The following DLGAP1 variants were observed in gnomAD, a reference collection of about 807,000 sequenced individuals.
DLGAP1 encodes DLG associated protein 1, also known as disks large-associated protein 1.
A neutral mutation model predicts 90.8 loss-of-function variants in DLGAP1; 11 were observed. The ratio of observed to expected loss-of-function variants is 0.12; its 90% CI spans 0.08 to 0.20. DLGAP1 has a LOEUF of 0.20. DLGAP1 is among the 10% of genes least tolerant of loss of function. DLGAP1 has a pLI of 1.00. For synonymous variants in DLGAP1, 558 were observed against 540.7 expected, an observed-to-expected ratio of 1.03 and a Z score of -0.44; for missense variants, 1,050 against 1,333.8, an observed-to-expected ratio of 0.79 and a Z score of 3.31.
intron 3 of DLGAP1, among the ~76,000 whole-genome samples, chr18:3,911,551 C>T (rs1378724691): frequency 6.6e-6 from 1 of 152,156 alleles, no homozygotes; most frequent in Admixed American, 6.5e-5. Context: ...TCAAGTTGTT[C>T]AGTGACTAGA....
chr18:4,250,555 G>A (rs943573332), intron 1 of DLGAP1, among the ~76,000 whole-genome samples: 1 of 152,146 alleles, frequency 6.6e-6, no homozygotes, highest in Non-Finnish European at 1.5e-5. Context: ...AGGAACATTT[G>A]TTTTTGTAAT....
intron 2 of DLGAP1, among the ~76,000 whole-genome samples, chr18:4,120,629 C>T (rs2076137264): frequency 6.6e-6 from 1 of 152,158 alleles, no homozygotes; most frequent in African/African-American, 2.4e-5. Context: ...TAATTGCCCA[C>T]CATTTCCACT....
At chr18:4,010,639 T>G in intron 2 of DLGAP1, among the ~76,000 whole-genome samples, 1 of 152,204 alleles carries the variant, frequency 6.6e-6, no homozygotes, top group East Asian at 1.9e-4. Flanking sequence ...CTGTGTGGAA[T>G]GTATATATTT....
intron 7 of DLGAP1, among the ~76,000 whole-genome samples, chr18:3,718,257 G>C (rs566856211): frequency 1.1e-3 from 169 of 151,956 alleles, no homozygotes; most frequent in African/African-American, 4.0e-3. Context: ...TCAGGAGCTC[G>C]AGACCAGCCT....
intron 3 of DLGAP1, among the ~76,000 whole-genome samples, chr18:3,975,465 A>G (rs1039444422): frequency 2.2e-4 from 34 of 152,206 alleles, no homozygotes; most frequent in Admixed American, 9.2e-4. Flanking sequence ...GTTGGCAAAG[A>G]TGTGGAGAAA....
chr18:4,111,074 T>C (rs554343092), intron 2 of DLGAP1, among the ~76,000 whole-genome samples: 2 of 152,184 alleles, frequency 1.3e-5, no homozygotes, highest in East Asian at 3.9e-4. Flanking sequence ...CTGTATCAAG[T>C]GGAGGAAGCT....
intron 3 of DLGAP1, among the ~76,000 whole-genome samples, chr18:3,917,238 G>A (rs371646785): frequency 6.0e-4 from 91 of 152,286 alleles, no homozygotes; most frequent in Admixed American, 3.7e-3. Flanking sequence ...AAATAAACCC[G>A]TCATAAGTTG....
intron 2 of DLGAP1, among the ~76,000 whole-genome samples, chr18:4,043,545 CTTATTTAT>C (rs58833523): frequency 4.0e-5 from 6 of 151,762 alleles, no homozygotes; most frequent in Non-Finnish European, 7.4e-5. Context: ...TAACCTACAT[CTTATTTAT>C]TTATTTATTT....
chr18:3,988,715 C>T (rs780384932), intron 3 of DLGAP1, among the ~76,000 whole-genome samples: 6 of 152,142 alleles, frequency 3.9e-5, no homozygotes, highest in Non-Finnish European at 8.8e-5. Flanking sequence ...GCCACGGACC[C>T]GTACTGCAGG....
At chr18:3,686,834 TA>T (rs2060720440) in intron 7 of DLGAP1, among the ~76,000 whole-genome samples, 1 of 152,220 alleles carries the variant, frequency 6.6e-6, no homozygotes, top group Non-Finnish European at 1.5e-5. Flanking sequence ...ACATAAGTTC[TA>T]ATCCTGGAAC....
At chr18:3,797,052 G>T (rs112743493) in intron 5 of DLGAP1, among the ~76,000 whole-genome samples, 6 of 152,280 alleles carry the variant, frequency 3.9e-5, no homozygotes, top group Admixed American at 3.9e-4. Context: ...AGACACTGGA[G>T]GCCAGGCACG....
At chr18:4,208,136 A>C (rs2144863477) in intron 1 of DLGAP1, among the ~76,000 whole-genome samples, 1 of 152,328 alleles carries the variant, frequency 6.6e-6, no homozygotes, top group African/African-American at 2.4e-5. Flanking sequence ...TTGATACAAC[A>C]ATCAGAGAGG....
At chr18:4,044,958 C>G (rs1474031587) in intron 2 of DLGAP1, among the ~76,000 whole-genome samples, 4 of 152,094 alleles carry the variant, frequency 2.6e-5, no homozygotes, top group Non-Finnish European at 5.9e-5. Context: ...ATATCACCAC[C>G]TCCTCTTCCC....
chr18:4,349,062 T>C (rs916164559), intron 1 of DLGAP1, among the ~76,000 whole-genome samples: 2 of 152,064 alleles, frequency 1.3e-5, no homozygotes, highest in African/African-American at 4.8e-5. Flanking sequence ...CCTTATTAGC[T>C]ACAAGGGAAA....
chr18:4,163,732 G>A (rs562258542), intron 1 of DLGAP1, among the ~76,000 whole-genome samples: 113 of 152,170 alleles, frequency 7.4e-4, no homozygotes, highest in Non-Finnish European at 8.1e-4. Flanking sequence ...CTTCCATCAT[G>A]GATTGAAAGT....
At chr18:4,134,144 A>C (rs1248864767) in intron 2 of DLGAP1, among the ~76,000 whole-genome samples, 1 of 152,140 alleles carries the variant, frequency 6.6e-6, no homozygotes, top group Admixed American at 6.5e-5. Flanking sequence ...ATGTTAACGA[A>C]ATTTCCTAGT....
intron 1 of DLGAP1, among the ~76,000 whole-genome samples, chr18:4,237,746 G>A (rs1459308464): frequency 6.6e-6 from 1 of 151,168 alleles, no homozygotes; most frequent in Non-Finnish European, 1.5e-5. Flanking sequence ...AATTCAATAT[G>A]TACAAATGGC....
chr18:3,643,867 T>C (rs1394768508), intron 7 of DLGAP1, among the ~76,000 whole-genome samples: 1 of 152,080 alleles, frequency 6.6e-6, no homozygotes, highest in Admixed American at 6.6e-5. Context: ...CTCCTAGTGG[T>C]GTCCACTGGG....
At chr18:3,596,999 G>C (rs1269610295) in intron 7 of DLGAP1, 2 of 519,822 alleles carry the variant, frequency 3.8e-6, no homozygotes, top group Admixed American at 3.9e-5. Context: ...TCCCCCACAG[G>C]CTCTCGGCAA....
Sources: gnomAD v4.1 joint callset for allele counts (sites outside exome capture counted in the v4.1 genomes callset) on GRCh38, gnomAD v4.1.1 for gene constraint, MANE v1.5 for transcripts, NCBI Gene and HGNC (gene_info 2026-07-23, HGNC 2026-07-21) for gene names.